MON2: variants seen among roughly 807,000 people sequenced by gnomAD.
MON2 encodes the protein protein MON2 homolog.
Under a neutral mutation model 208.6 loss-of-function variants are expected in MON2, and 84 were observed. The observed-to-expected ratio is 0.40, with a 90% CI of 0.34 to 0.48. The LOEUF is 0.48. MON2 is among the 20% of genes least tolerant of loss of function. The probability of loss-of-function intolerance (pLI) is 0.59; values close to 1 mark genes in which losing one functional copy is unlikely to be tolerated. For missense variants in MON2, 1,611 were observed against 2,015.4 expected, an observed-to-expected ratio of 0.80 and a Z score of 3.84; for synonymous variants, 660 against 694.0, an observed-to-expected ratio of 0.95 and a Z score of 0.77.
chr12:62,480,634 G>C (rs1175356915), intron 1 of MON2, among the ~76,000 whole-genome samples: 5 of 152,292 alleles, frequency 3.3e-5, no homozygotes, highest in Admixed American at 3.3e-4. Context: ...TATTAGACAT[G>C]TGCACACATT....
At chr12:62,512,644 G>A (rs2071470607) in intron 8 of MON2, among the ~76,000 whole-genome samples, 1 of 152,174 alleles carries the variant, frequency 6.6e-6, no homozygotes, top group Non-Finnish European at 1.5e-5. Flanking sequence ...CATGGTGCAA[G>A]CTGTTGGTGA....
chr12:62,498,528 AT>A (rs1440621056), intron 4 of MON2, among the ~76,000 whole-genome samples: 1 of 152,218 alleles, frequency 6.6e-6, no homozygotes, highest in African/African-American at 2.4e-5. Flanking sequence ...AAAGAAAAAA[AT>A]GACTCCTTTT....
intron 1 of MON2, among the ~76,000 whole-genome samples, chr12:62,469,848 TTCTG>T (rs1170318448): frequency 6.6e-6 from 1 of 151,978 alleles, no homozygotes; most frequent in Non-Finnish European, 1.5e-5. Flanking sequence ...TTTTAGTCAT[TTCTG>T]TCTTTTATGG....
chr12:62,503,123 A>G (rs925685996), intron 7 of MON2, among the ~76,000 whole-genome samples: 5 of 152,210 alleles, frequency 3.3e-5, no homozygotes, highest in Admixed American at 3.3e-4. Flanking sequence ...GCTATGTGCC[A>G]GATTCCTTAC....
At chr12:62,516,726 A>G (rs1028016826) in intron 8 of MON2, among the ~76,000 whole-genome samples, 3 of 152,104 alleles carry the variant, frequency 2.0e-5, no homozygotes, top group African/African-American at 7.2e-5. Flanking sequence ...ATAAATAAAT[A>G]AGTATAATTG....
chr12:62,467,544 C>G (rs1398126705), intron 1 of MON2, among the ~76,000 whole-genome samples: 1 of 152,164 alleles, frequency 6.6e-6, no homozygotes, highest in Non-Finnish European at 1.5e-5. Flanking sequence ...GAGTGAAGTT[C>G]ATGAAGTGAG....
At position 62,508,445 on chromosome 12, in the gene MON2, G is replaced by C. The variant is rs748745817; in HGVS notation, c.949G>C (p.Val317Leu). Reference sequence around the variant, plus strand: ...TATCTGCATGCGTTTGCTGAGAGTAGTATCTGTTCTGATTAAGCAGTTTTA... The same window carrying C: ...TATCTGCATGCGTTTGCTGAGAGTACTATCTGTTCTGATTAAGCAGTTTTA... ...FPICMRLLRV[V>L]SVLIKQFYSL... is the part of the protein sequence containing the mutation. The change falls in exon 8 of 35, where the codon GTA becomes CTA. Residue 317 changes from valine to leucine, a missense_variant. By Grantham distance (32) the Val-to-Leu change is conservative (BLOSUM62 1). Coordinates refer to ENST00000393630, the MANE Select transcript of MON2 (RefSeq NM_015026.3). 5.0e-6 allele frequency: 8 copies of C among 1,614,090 alleles called. No homozygotes were observed. Among genetic ancestry groups the C allele is most frequent in the Non-Finnish European group, 6.8e-6 (8 of 1,179,992 alleles).
chr12:62,555,934 A>G (rs1372911314), intron 24 of MON2, 60 bp from the exon 25 acceptor site: 13 of 1,247,972 alleles, frequency 1.0e-5, no homozygotes, highest in Admixed American at 4.0e-5. Context: ...TGTTGCTCCT[A>G]TGCTATTACT....
intron 19 of MON2, among the ~76,000 whole-genome samples, chr12:62,539,656 A>G (rs983550842): frequency 6.6e-6 from 1 of 152,172 alleles, no homozygotes; most frequent in Non-Finnish European, 1.5e-5. Flanking sequence ...AGAAAGTCTC[A>G]TTAGAGCATA....
intron 23 of MON2, among the ~76,000 whole-genome samples, chr12:62,551,663 A>G (rs964774648): frequency 1.3e-5 from 2 of 152,256 alleles, no homozygotes; most frequent in Non-Finnish European, 2.9e-5. Context: ...CAATTTATAA[A>G]AATTACAATT....
intron 2 of MON2, among the ~76,000 whole-genome samples, chr12:62,486,710 C>T (rs1333484796): frequency 6.6e-6 from 1 of 151,926 alleles, no homozygotes; most frequent in Non-Finnish European, 1.5e-5. Context: ...TTTTAGTTAA[C>T]TTTTTAAAAT....
chr12:62,569,707 A>C (rs1389443317), intron 29 of MON2, among the ~76,000 whole-genome samples: 3 of 152,178 alleles, frequency 2.0e-5, no homozygotes, highest in Non-Finnish European at 2.9e-5. Flanking sequence ...CATTGGCTTA[A>C]TCAACTCATC....
chr12:62,514,284 G>A (rs572116273), intron 8 of MON2, among the ~76,000 whole-genome samples: 4 of 152,202 alleles, frequency 2.6e-5, no homozygotes, highest in East Asian at 1.9e-4. Context: ...ACCCAGTTCC[G>A]AAGTCACTTC....
intron 4 of MON2, among the ~76,000 whole-genome samples, chr12:62,495,762 C>G (rs1304987622): frequency 6.6e-6 from 1 of 151,046 alleles, no homozygotes; most frequent in African/African-American, 2.4e-5. Flanking sequence ...CTCTCCCTAC[C>G]CATAATTTCA....
intron 1 of MON2, among the ~76,000 whole-genome samples, chr12:62,483,459 G>A (rs1218098441): frequency 6.6e-6 from 1 of 152,210 alleles, no homozygotes; most frequent in Non-Finnish European, 1.5e-5. Flanking sequence ...CTGGCACTTT[G>A]GGAGGCTGAG....
At chr12:62,576,820 A>T (rs1284567729) in intron 30 of MON2, among the ~76,000 whole-genome samples, 1 of 151,776 alleles carries the variant, frequency 6.6e-6, no homozygotes, top group African/African-American at 2.4e-5. Context: ...ATCATATGAT[A>T]TTTTAAAAAT....
At chr12:62,500,910 T>C (rs767106027) in intron 6 of MON2, 30 bp downstream of exon 6, 13 of 1,308,048 alleles carry the variant, frequency 9.9e-6, no homozygotes, top group Non-Finnish European at 1.4e-5. Context: ...TAATTTTTAT[T>C]CTAAAATATA....
chr12:62,474,115 T>C (rs535102843), intron 1 of MON2, among the ~76,000 whole-genome samples: 2 of 151,460 alleles, frequency 1.3e-5, no homozygotes, highest in East Asian at 3.9e-4. Context: ...TTTTCTTTTC[T>C]TTTCTTTTTT....
chr12:62,531,758 CTTATTTTTTT>C (rs1166920174), intron 11 of MON2, among the ~76,000 whole-genome samples: 1 of 151,780 alleles, frequency 6.6e-6, no homozygotes, highest in Non-Finnish European at 1.5e-5. Flanking sequence ...TTGATGGCAT[CTTATTTTTTT>C]TTTATTTTTT....
Sources: allele counts gnomAD v4.1 joint callset (sites outside exome capture counted in the v4.1 genomes callset), GRCh38; gene constraint gnomAD v4.1.1; transcripts MANE v1.5; gene names NCBI Gene and HGNC (gene_info 2026-07-23, HGNC 2026-07-21).